Variants in RANBP2 observed in about 807,000 individuals in gnomAD.
The protein encoded by RANBP2 is RAN binding protein 2, also known as E3 SUMO-protein ligase RanBP2.
In RANBP2, 57 loss-of-function variants were observed where a neutral mutation model predicts 303.6. That is an observed-to-expected ratio of 0.19 (90% CI 0.15 to 0.23). The LOEUF is 0.23. Ranked by LOEUF, RANBP2 falls within the 10% of genes least tolerant of loss-of-function variation. The pLI, the probability that RANBP2 is intolerant of heterozygous loss-of-function variation, is 1.00. For synonymous variants in RANBP2, 1,167 were observed against 1,301.5 expected, an observed-to-expected ratio of 0.90 and a Z score of 2.23; for missense variants, 3,138 against 3,780.8, an observed-to-expected ratio of 0.83 and a Z score of 4.46.
the RANBP2 span, chr2:109,733,119 G>A: frequency 3.5e-5 from 19 of 537,068 alleles, no homozygotes; most frequent in Non-Finnish European, 5.7e-5. Context: ...TCGCTGTCTC[G>A]GGAGAGAAAT....
At chr2:108,820,364 T>C in the RANBP2 span, among the ~76,000 whole-genome samples, 1 of 152,160 alleles carries the variant, frequency 6.6e-6, no homozygotes, top group African/African-American at 2.4e-5. Context: ...ATATGTGTAA[T>C]GTAAGTCTTG....
intron 12 of RANBP2, 105 bp downstream of exon 12, chr2:108,752,099 A>C: frequency 6.3e-7 from 1 of 1,579,294 alleles, no homozygotes; most frequent in East Asian, 2.2e-5. Flanking sequence ...CAGCTTGGTC[A>C]CATTATGACA....
chr2:108,815,480 T>TG, the RANBP2 span, among the ~76,000 whole-genome samples: 4 of 145,370 alleles, frequency 2.8e-5, no homozygotes, highest in African/African-American at 1.0e-4. Flanking sequence ...TTTTTTTTTT[T>TG]TTTTGAGATG....
At chr2:109,676,295 G>T in the RANBP2 span, among the ~76,000 whole-genome samples, 1 of 152,200 alleles carries the variant, frequency 6.6e-6, no homozygotes, top group African/African-American at 2.4e-5. Context: ...CCTTTAAAGG[G>T]CAGCCTTTCC....
At chr2:109,727,330 C>G in the RANBP2 span, among the ~76,000 whole-genome samples, 1 of 152,130 alleles carries the variant, frequency 6.6e-6, no homozygotes, top group Non-Finnish European at 1.5e-5. Flanking sequence ...TGAAGGGATG[C>G]TCACCACAGT....
chr2:109,170,235 TTCTTTTCTTTTCTCTTCTCTTCTC>T, the RANBP2 span, among the ~76,000 whole-genome samples: 32 of 37,884 alleles, frequency 8.4e-4, no homozygotes, highest in African/African-American at 3.0e-3. Context: ...TTCTCTTCTC[TTCTTTTCTTTTCTCTTCTCTTCTC>T]TTCTCTTCTC....
At chr2:109,778,514 T>C in the RANBP2 span, among the ~76,000 whole-genome samples, 1 of 150,028 alleles carries the variant, frequency 6.7e-6, no homozygotes, top group Non-Finnish European at 1.5e-5. Context: ...GAAGACCAGC[T>C]AGAAACATCT....
At chr2:108,906,379 G>C in the RANBP2 span, 12 of 1,614,128 alleles carry the variant, frequency 7.4e-6, no homozygotes, top group Non-Finnish European at 9.3e-6. Flanking sequence ...CTGTGAAAAA[G>C]AGTCGAGAAT....
chr2:109,631,002 G>A, the RANBP2 span, among the ~76,000 whole-genome samples: 1 of 152,162 alleles, frequency 6.6e-6, no homozygotes, highest in Non-Finnish European at 1.5e-5. Flanking sequence ...GGAGGCGGAG[G>A]TTGCAGTGAA....
chr2:109,092,302 G>A, the RANBP2 span, among the ~76,000 whole-genome samples: 1 of 152,242 alleles, frequency 6.6e-6, no homozygotes, highest in African/African-American at 2.4e-5. Context: ...TTTGCCCAGA[G>A]ACCCCATTGT....
At chr2:109,036,906 G>A in the RANBP2 span, among the ~76,000 whole-genome samples, 1 of 152,190 alleles carries the variant, frequency 6.6e-6, no homozygotes, top group Admixed American at 6.5e-5. Flanking sequence ...CACTTTGGGA[G>A]GTGGAGGTGG....
At chr2:109,273,324 G>T in the RANBP2 span, among the ~76,000 whole-genome samples, 1 of 152,228 alleles carries the variant, frequency 6.6e-6, no homozygotes, top group South Asian at 2.1e-4. Context: ...TCCTGAGCTT[G>T]TCTGGAAGGA....
At chr2:109,204,665 A>G in the RANBP2 span, among the ~76,000 whole-genome samples, 2 of 152,230 alleles carry the variant, frequency 1.3e-5, no homozygotes, top group Non-Finnish European at 2.9e-5. Flanking sequence ...ACCTGCTGGC[A>G]GGCAGGATGC....
chr2:109,108,918 C>T, the RANBP2 span, among the ~76,000 whole-genome samples: 3 of 149,696 alleles, frequency 2.0e-5, no homozygotes, highest in African/African-American at 2.4e-5. Flanking sequence ...GAGGCTCAGG[C>T]GTCAGCAAGT....
chr2:109,415,300 G>C, the RANBP2 span, among the ~76,000 whole-genome samples: 1 of 152,240 alleles, frequency 6.6e-6, no homozygotes, highest in Non-Finnish European at 1.5e-5. Context: ...CCACGGTGTG[G>C]TGGCTAAGCA....
chr2:109,435,842 T>A, the RANBP2 span, among the ~76,000 whole-genome samples: 139 of 152,318 alleles, frequency 9.1e-4, 1 homozygote, highest in Non-Finnish European at 1.6e-3. Flanking sequence ...AAATTCATGG[T>A]TTTGGCTGAC....
the RANBP2 span, among the ~76,000 whole-genome samples, chr2:108,835,089 A>G: frequency 0.11 from 16,418 of 152,246 alleles, 1,339 homozygotes; most frequent in African/African-American, 0.23. Context: ...ATCTGCTGCA[A>G]ATCTGTGTTG....
chr2:109,014,047 A>G, the RANBP2 span, among the ~76,000 whole-genome samples: 1 of 152,216 alleles, frequency 6.6e-6, no homozygotes, highest in Admixed American at 6.5e-5. Context: ...GAGGTTGAAT[A>G]TCTTAAGGAC....
chr2:109,281,091 T>G, the RANBP2 span, among the ~76,000 whole-genome samples: 1 of 152,190 alleles, frequency 6.6e-6, no homozygotes, highest in African/African-American at 2.4e-5. Flanking sequence ...GACTGGTTAC[T>G]TACTGCACAC....
Sources: allele counts gnomAD v4.1 joint callset (sites outside exome capture counted in the v4.1 genomes callset), GRCh38; gene constraint gnomAD v4.1.1; transcripts MANE v1.5; gene names NCBI Gene and HGNC (gene_info 2026-07-23, HGNC 2026-07-21).